KCND2: variants seen among roughly 807,000 people sequenced by gnomAD.
KCND2 encodes A-type voltage-gated potassium channel KCND2.
In KCND2, 16 loss-of-function variants were observed where a neutral mutation model predicts 54.4. The observed-to-expected ratio is 0.29, with a 90% CI of 0.20 to 0.45. The LOEUF (loss-of-function observed/expected upper bound fraction) is 0.45. Among genes scored for constraint, KCND2 ranks in the 20% least tolerant of loss-of-function variants. The probability of loss-of-function intolerance (pLI) is 1.00; values close to 1 mark genes in which losing one functional copy is unlikely to be tolerated. For missense variants in KCND2, 486 were observed against 824.2 expected, an observed-to-expected ratio of 0.59 and a Z score of 5.02; for synonymous variants, 317 against 310.7, an observed-to-expected ratio of 1.02 and a Z score of -0.21.
At chr7:120,736,576 A>G (rs1218776309) in intron 2 of KCND2, among the ~76,000 whole-genome samples, 2 of 152,048 alleles carry the variant, frequency 1.3e-5, no homozygotes, top group African/African-American at 4.8e-5. Flanking sequence ...AATCATCTGC[A>G]TACTCACAGG....
At chr7:120,356,087 A>G (rs1800499530) in intron 1 of KCND2, among the ~76,000 whole-genome samples, 1 of 152,160 alleles carries the variant, frequency 6.6e-6, no homozygotes, top group Non-Finnish European at 1.5e-5. Context: ...AAAAGTTATT[A>G]GAAAGGACAA....
At chr7:120,393,974 ACTGT>A (rs1801114807) in intron 1 of KCND2, among the ~76,000 whole-genome samples, 1 of 152,034 alleles carries the variant, frequency 6.6e-6, no homozygotes, top group South Asian at 2.1e-4. Context: ...CAGATAACTT[ACTGT>A]CTTTTTCAGG....
At chr7:120,681,876 A>G (rs1482518018) in intron 1 of KCND2, among the ~76,000 whole-genome samples, 1 of 152,026 alleles carries the variant, frequency 6.6e-6, no homozygotes, top group Admixed American at 6.6e-5. Context: ...ATTTCCTAAT[A>G]ACATAATTAG....
chr7:120,605,867 T>C (rs768812567), intron 1 of KCND2, among the ~76,000 whole-genome samples: 2 of 152,214 alleles, frequency 1.3e-5, no homozygotes, highest in Non-Finnish European at 2.9e-5. Flanking sequence ...ATTGATATAG[T>C]GTGGCTATGT....
intron 1 of KCND2, among the ~76,000 whole-genome samples, chr7:120,508,926 G>A (rs1476725408): frequency 7.4e-6 from 1 of 135,012 alleles, no homozygotes; most frequent in Non-Finnish European, 1.5e-5. Context: ...TTTAAAGAAA[G>A]GAGTGGTGAA....
At chr7:120,461,373 C>G (rs994109420) in intron 1 of KCND2, among the ~76,000 whole-genome samples, 1 of 152,070 alleles carries the variant, frequency 6.6e-6, no homozygotes, top group Non-Finnish European at 1.5e-5. Context: ...TAAAAGAAAA[C>G]ATTTCTTCCA....
intron 1 of KCND2, among the ~76,000 whole-genome samples, chr7:120,323,441 C>T: frequency 6.6e-6 from 1 of 151,314 alleles, no homozygotes; most frequent in Non-Finnish European, 1.5e-5. Flanking sequence ...ACTGCTATCC[C>T]TCCCCACTCC....
intron 1 of KCND2, among the ~76,000 whole-genome samples, chr7:120,665,719 G>A (rs1451185631): frequency 1.3e-5 from 2 of 152,000 alleles, no homozygotes; most frequent in Non-Finnish European, 2.9e-5. Context: ...TACGATAATT[G>A]ACTCACACAA....
At chr7:120,415,966 T>A (rs1801518416) in intron 1 of KCND2, among the ~76,000 whole-genome samples, 1 of 152,154 alleles carries the variant, frequency 6.6e-6, no homozygotes, top group Non-Finnish European at 1.5e-5. Flanking sequence ...TTGCCCTTTA[T>A]CCAATCCACT....
At chr7:120,636,698 A>C (rs182708060) in intron 1 of KCND2, among the ~76,000 whole-genome samples, 8 of 152,258 alleles carry the variant, frequency 5.3e-5, no homozygotes, top group African/African-American at 1.9e-4. Context: ...TCTCGATGTG[A>C]AAGTATGCAC....
At chr7:120,416,070 C>CT (rs1457923841) in intron 1 of KCND2, among the ~76,000 whole-genome samples, 2 of 152,178 alleles carry the variant, frequency 1.3e-5, no homozygotes, top group Non-Finnish European at 2.9e-5. Flanking sequence ...CAGCTGCCAT[C>CT]TATCTTCTCT....
intron 1 of KCND2, among the ~76,000 whole-genome samples, chr7:120,511,676 G>A (rs1419958571): frequency 6.6e-6 from 1 of 152,068 alleles, no homozygotes; most frequent in East Asian, 1.9e-4. Flanking sequence ...TTATCAGTGG[G>A]ACAATACTTA....
chr7:120,419,209 C>A (rs1801571394), intron 1 of KCND2, among the ~76,000 whole-genome samples: 1 of 152,112 alleles, frequency 6.6e-6, no homozygotes, highest in Admixed American at 6.6e-5. Context: ...GGATCACTGT[C>A]TATCCTGAAA....
intron 1 of KCND2, among the ~76,000 whole-genome samples, chr7:120,437,265 C>T (rs1475981367): frequency 1.4e-5 from 2 of 145,484 alleles, no homozygotes; most frequent in African/African-American, 2.6e-5. Context: ...TGCAGTGACT[C>T]GATCTCGGCT....
At chr7:120,425,313 A>T (rs931000183) in intron 1 of KCND2, among the ~76,000 whole-genome samples, 1 of 152,228 alleles carries the variant, frequency 6.6e-6, no homozygotes, top group African/African-American at 2.4e-5. Context: ...GAATGAATAT[A>T]AAAAATATAA....
At chr7:120,368,907 A>G (rs1254880467) in intron 1 of KCND2, among the ~76,000 whole-genome samples, 5 of 152,120 alleles carry the variant, frequency 3.3e-5, no homozygotes, top group Non-Finnish European at 7.4e-5. Flanking sequence ...TTTTTACTTA[A>G]TCAGATTTCA....
In KCND2 at chr7:120,388,329, G is replaced by C. The variant is rs965492024; in HGVS notation, c.1115+112582G>C. On this transcript the variant is annotated intron_variant, in intron 1 of 5. Transcript: ENST00000331113. ...ACCTGCTTATGCAAATGAAAGTTTA[G>C]TAGGAGATATTTGGGTCCAACAGTA... 4.6e-5 allele frequency among the ~76,000 whole-genome samples: 7 copies of C among 152,174 alleles called. No homozygotes were observed. The East Asian group carries it at 1.2e-3, about 25-fold the overall frequency.
chr7:120,656,082 TAGG>T (rs1014751846), intron 1 of KCND2, among the ~76,000 whole-genome samples: 25 of 152,194 alleles, frequency 1.6e-4, no homozygotes, highest in African/African-American at 5.8e-4. Context: ...TTTAATAAAG[TAGG>T]AGAACTTTTA....
chr7:120,369,375 C>CA (rs1009182470), intron 1 of KCND2, among the ~76,000 whole-genome samples: 1 of 151,892 alleles, frequency 6.6e-6, no homozygotes, highest in African/African-American at 2.4e-5. Context: ...TTTTAATCTT[C>CA]AAAAAACAAC....
Sources: allele counts gnomAD v4.1 joint callset (sites outside exome capture counted in the v4.1 genomes callset), GRCh38; gene constraint gnomAD v4.1.1; transcripts MANE v1.5; gene names NCBI Gene and HGNC (gene_info 2026-07-23, HGNC 2026-07-21).